The following PIK3C2G variants were observed in gnomAD, a reference collection of about 807,000 sequenced individuals.
The protein encoded by PIK3C2G is phosphatidylinositol-4-phosphate 3-kinase catalytic subunit type 2 gamma, also known as phosphatidylinositol 3-kinase C2 domain-containing subunit gamma.
A neutral mutation model predicts 181.1 loss-of-function variants in PIK3C2G; 168 were observed. The ratio of observed to expected loss-of-function variants is 0.93; its 90% confidence interval spans 0.82 to 1.05. The LOEUF (loss-of-function observed/expected upper bound fraction) is 1.05, where lower values mean the gene tolerates loss of function less well. Among genes scored for constraint, PIK3C2G ranks in the 50% least tolerant of loss-of-function variants. The probability of loss-of-function intolerance (pLI) is 0.00; values close to 1 mark genes in which losing one functional copy is unlikely to be tolerated. For synonymous variants in PIK3C2G, 573 were observed against 592.2 expected, an observed-to-expected ratio of 0.97 and a Z score of 0.47; for missense variants, 1,869 against 1,732.8, an observed-to-expected ratio of 1.08 and a Z score of -1.40.
At chr12:18,359,572 C>G (rs980823369) in intron 11 of PIK3C2G, among the ~76,000 whole-genome samples, 2 of 152,150 alleles carry the variant, frequency 1.3e-5, no homozygotes, top group Non-Finnish European at 2.9e-5. Flanking sequence ...TCCTTCAGCT[C>G]TGTCAATGTT....
intron 14 of PIK3C2G, among the ~76,000 whole-genome samples, chr12:18,386,307 A>G (rs977051646): frequency 6.6e-6 from 1 of 152,192 alleles, no homozygotes; most frequent in Non-Finnish European, 1.5e-5. Context: ...TTCACATACC[A>G]TACTATCCTC....
At position 18,605,666 on chromosome 12, in the gene PIK3C2G, A is replaced by G. The variant is rs547697620; in HGVS notation, c.4088-3869A>G. ...TTAACAGCTCTTGGGGTGACTATAA[A>G]TGGTTAATCTAAGCATAGTTGAATC... On this transcript the variant is annotated intron_variant, in intron 30 of 32. Coordinates refer to ENST00000538779, the MANE Select transcript of PIK3C2G (RefSeq NM_001288772.2). Among the ~76,000 whole-genome samples the G allele has an allele frequency of 3.3e-5, 5 of 152,286 alleles. No homozygotes were observed. In the South Asian group the frequency reaches 1.0e-3, roughly 32 times the overall value.
At chr12:18,492,379 TG>T (rs1216890676) in intron 20 of PIK3C2G, among the ~76,000 whole-genome samples, 2 of 152,210 alleles carry the variant, frequency 1.3e-5, no homozygotes, top group African/African-American at 4.8e-5. Context: ...GAATGTAAAA[TG>T]TTTTGCTAAA....
chr12:18,548,811 A>G lies in PIK3C2G; in HGVS notation c.3590+2379A>G, dbSNP rs190030209. 7.9e-5 allele frequency among the ~76,000 whole-genome samples: 12 copies of G among 152,154 alleles called. No individual in the cohort carries two copies. The East Asian group carries it at 2.3e-3, about 30-fold the overall frequency. ...CTAGGACACATCATTTCTCAGTTCA[A>G]TAATTTTCCTTGGTGTGCCATCTCC... On this transcript the variant is annotated intron_variant, in intron 26 of 32. Transcript: ENST00000538779.
chr12:18,533,875 A>T (rs1280681856), intron 24 of PIK3C2G, among the ~76,000 whole-genome samples: 1 of 151,846 alleles, frequency 6.6e-6, no homozygotes, highest in East Asian at 1.9e-4. Context: ...GATTATATAT[A>T]CAGTATGGCT....
the PIK3C2G span, chr12:18,692,990 T>C: frequency 2.1e-6 from 3 of 1,398,256 alleles, no homozygotes; most frequent in South Asian, 3.5e-5. Context: ...TTAAAGACTA[T>C]CTTCTCATGG....
chr12:18,711,170 G>A, the PIK3C2G span, among the ~76,000 whole-genome samples: 3 of 151,790 alleles, frequency 2.0e-5, no homozygotes, highest in Admixed American at 6.6e-5. Context: ...TTAAGAAAAT[G>A]GGGAACATAT....
intron 31 of PIK3C2G, among the ~76,000 whole-genome samples, chr12:18,636,772 C>T (rs1420421557): frequency 6.6e-6 from 1 of 152,172 alleles, no homozygotes; most frequent in Non-Finnish European, 1.5e-5. Context: ...ACCCCTGTGT[C>T]TTTCAAGTCC....
the PIK3C2G span, among the ~76,000 whole-genome samples, chr12:18,725,820 G>C: frequency 4.0e-5 from 6 of 151,880 alleles, no homozygotes; most frequent in Non-Finnish European, 7.4e-5. Flanking sequence ...CCTTCTTTCT[G>C]TTTAAATTAC....
chr12:18,414,030 A>T (rs989898825), intron 16 of PIK3C2G, among the ~76,000 whole-genome samples: 2 of 152,162 alleles, frequency 1.3e-5, no homozygotes, highest in Non-Finnish European at 2.9e-5. Flanking sequence ...ATATTTGTCC[A>T]TCGATCTATA....
Position 18,478,078 on chromosome 12 carries a change from A to G in PIK3C2G, c.2505-10371A>G, listed in dbSNP as rs533817393. The stretch of plus-strand genomic sequence containing the variant: ...AGGAAACTTTATGAAAAAGATGCTT[A>G]CATTGCCTTTAAAGTAACTATATGG... On this transcript the variant is annotated intron_variant, in intron 18 of 32. Transcript: ENST00000538779. Among the ~76,000 whole-genome samples, 7 of 152,308 alleles carry G rather than the reference A, an allele frequency of 4.6e-5. No homozygotes were observed. The East Asian group carries it at 1.2e-3, about 25-fold the overall frequency.
chr12:18,355,370 A>C (rs912580637), intron 11 of PIK3C2G, among the ~76,000 whole-genome samples: 2 of 152,242 alleles, frequency 1.3e-5, no homozygotes, highest in Non-Finnish European at 2.9e-5. Flanking sequence ...GAAAAGAAAA[A>C]AGAACAAAAA....
intron 1 of PIK3C2G, among the ~76,000 whole-genome samples, chr12:18,281,635 A>G (rs1254857224): frequency 6.6e-6 from 1 of 152,062 alleles, no homozygotes; most frequent in Non-Finnish European, 1.5e-5. Flanking sequence ...GAGACTGTTT[A>G]GCTAATATGA....
chr12:18,269,151 A>G (rs1277714847), intron 1 of PIK3C2G, among the ~76,000 whole-genome samples: 1 of 152,020 alleles, frequency 6.6e-6, no homozygotes. Context: ...CCTCAAGTCT[A>G]TCCTCCTGCC....
At chr12:18,624,143 A>G (rs973373713) in intron 31 of PIK3C2G, among the ~76,000 whole-genome samples, 4 of 151,622 alleles carry the variant, frequency 2.6e-5, no homozygotes. Flanking sequence ...CATTTTCCCC[A>G]TTGAGTATGA....
At chr12:18,711,956 T>G in the PIK3C2G span, among the ~76,000 whole-genome samples, 1 of 152,298 alleles carries the variant, frequency 6.6e-6, no homozygotes, top group African/African-American at 2.4e-5. Flanking sequence ...ATATTTATTT[T>G]GTACTCCATT....
intron 14 of PIK3C2G, among the ~76,000 whole-genome samples, chr12:18,387,230 G>T: frequency 6.6e-6 from 1 of 151,606 alleles, no homozygotes; most frequent in African/African-American, 2.4e-5. Flanking sequence ...GGTTTCCTTG[G>T]CTTTAGTTTT....
At chr12:18,430,611 C>T (rs116804536) in intron 18 of PIK3C2G, among the ~76,000 whole-genome samples, 1,967 of 152,194 alleles carry the variant, frequency 0.013, 43 homozygotes, top group African/African-American at 0.045. Context: ...AGACTTATGT[C>T]GATAGGGGGT....
intron 12 of PIK3C2G, among the ~76,000 whole-genome samples, chr12:18,368,055 T>C (rs1941766654): frequency 6.6e-6 from 1 of 152,104 alleles, no homozygotes; most frequent in Non-Finnish European, 1.5e-5. Context: ...CTCACTATCA[T>C]GAGAACAACA....
Sources: gnomAD v4.1 joint callset for allele counts (sites outside exome capture counted in the v4.1 genomes callset) on GRCh38, gnomAD v4.1.1 for gene constraint, MANE v1.5 for transcripts, NCBI Gene and HGNC (gene_info 2026-07-23, HGNC 2026-07-21) for gene names.